AKAP10: variants seen among roughly 807,000 people sequenced by gnomAD.
AKAP10 encodes the protein A-kinase anchor protein 10, mitochondrial.
A neutral mutation model predicts 80.8 loss-of-function variants in AKAP10; 24 were observed. That is an observed-to-expected ratio of 0.30 (90% confidence interval 0.22 to 0.42). The LOEUF is 0.42. AKAP10 is among the 10% of genes least tolerant of loss of function. The pLI is 1.00. For synonymous variants in AKAP10, 291 were observed against 277.7 expected (o/e 1.05, Z -0.48); for missense variants, 661 against 794.9 (o/e 0.83, Z 2.03).
intron 4 of AKAP10, among the ~76,000 whole-genome samples, chr17:19,956,080 G>C (rs1030829974): frequency 6.6e-6 from 1 of 152,070 alleles, no homozygotes; most frequent in Admixed American, 6.6e-5. Flanking sequence ...GTTTAACAGA[G>C]AGCATATTAA....
At position 19,958,500 on chromosome 17, in the gene AKAP10, GC is replaced by G; in HGVS notation, c.390del (p.Leu130PhefsTer23). 6.2e-7 allele frequency: 1 copy of G among 1,612,860 alleles called. No individual in the cohort carries two copies. Among genetic ancestry groups the G allele is most frequent in the Non-Finnish European group, 8.5e-7 (1 of 1,180,036 alleles). On this transcript the variant is annotated frameshift_variant, in exon 4 of 15. Coordinates refer to ENST00000225737, the MANE Select transcript of AKAP10 (RefSeq NM_007202.4). LOFTEE classifies it high-confidence loss of function. ...SSLSKTLEQV[L>X]HDTIVLPYFI... is the part of the protein sequence containing the mutation. ...AAGTAAGGGAGGACAATAGTGTCGTGCAAGACTTGTTCAAGGGTCTTAGAAA... is the reference window on the plus strand; with the variant it reads ...AAGTAAGGGAGGACAATAGTGTCGTGAAGACTTGTTCAAGGGTCTTAGAAA...
chr17:19,924,031 A>G (rs573244176), intron 11 of AKAP10, among the ~76,000 whole-genome samples: 1 of 152,316 alleles, frequency 6.6e-6, no homozygotes, highest in African/African-American at 2.4e-5. Flanking sequence ...CCTATGAATC[A>G]CTATCTTTTT....
intron 8 of AKAP10, among the ~76,000 whole-genome samples, chr17:19,937,908 A>C (rs1317586380): frequency 6.6e-6 from 1 of 152,102 alleles, no homozygotes; most frequent in African/African-American, 2.4e-5. Context: ...GTCTTCTAAA[A>C]ATAAAGATTC....
intron 3 of AKAP10, among the ~76,000 whole-genome samples, chr17:19,960,562 T>C (rs369474039): frequency 6.6e-6 from 1 of 152,368 alleles, no homozygotes; most frequent in African/African-American, 2.4e-5. Flanking sequence ...TGGTATTCCA[T>C]GGTATGAATG....
At chr17:19,957,048 CAAAGAACATT>C (rs1003908390) in intron 4 of AKAP10, among the ~76,000 whole-genome samples, 4 of 151,736 alleles carry the variant, frequency 2.6e-5, no homozygotes, top group Admixed American at 1.3e-4. Context: ...CTTTAAGACA[CAAAGAACATT>C]TAAGATGAAA....
Position 19,924,428 on chromosome 17 carries a change from T to C in AKAP10, c.1731A>G (p.Leu577=), listed in dbSNP as rs201881580. The C allele has an allele frequency of 1.4e-5, 23 of 1,604,502 alleles. No homozygotes were observed. Among genetic ancestry groups the C allele is most frequent in the South Asian group, 4.5e-5 (4 of 89,272 alleles). ...CTTACCCGGCATATGTCCGTTGATATAAAGATTCTGGATCCAGACTTGCCG... is the reference window on the plus strand; with the variant it reads ...CTTACCCGGCATATGTCCGTTGATACAAAGATTCTGGATCCAGACTTGCCG... ...VDAASLDPES[L]YQRTYAGKMT... The change falls in exon 11 of 15, where the codon TTA becomes TTG. Residue 577 remains leucine (L), a synonymous_variant. Transcript: ENST00000225737.
chr17:19,922,462 C>T (rs2042828155), intron 11 of AKAP10, among the ~76,000 whole-genome samples: 1 of 151,996 alleles, frequency 6.6e-6, no homozygotes, highest in African/African-American at 2.4e-5. Flanking sequence ...CCATGTCGGC[C>T]AGGCTGGTTT....
chr17:19,941,061 T>C, intron 6 of AKAP10, 51 bp from the exon 7 acceptor site: 1 of 1,561,062 alleles, frequency 6.4e-7, no homozygotes, highest in Non-Finnish European at 8.6e-7. Flanking sequence ...GGAAAGAGTT[T>C]AAGTGGGAAA....
intron 12 of AKAP10, among the ~76,000 whole-genome samples, chr17:19,916,844 G>A (rs1026803054): frequency 2.6e-5 from 4 of 152,044 alleles, no homozygotes; most frequent in African/African-American, 9.7e-5. Flanking sequence ...GGCTGAGGCA[G>A]GAGAATGGCT....
intron 10 of AKAP10, among the ~76,000 whole-genome samples, chr17:19,926,229 T>C (rs940923151): frequency 1.3e-5 from 2 of 150,512 alleles, no homozygotes; most frequent in East Asian, 3.9e-4. Flanking sequence ...GGATCATTTA[T>C]ACTGATACAG....
chr17:19,933,208 G>A (rs966737382), intron 9 of AKAP10, among the ~76,000 whole-genome samples: 3 of 152,022 alleles, frequency 2.0e-5, no homozygotes, highest in Admixed American at 6.6e-5. Flanking sequence ...TAGTAGAGAC[G>A]GGGTTTCGCC....
intron 10 of AKAP10, among the ~76,000 whole-genome samples, chr17:19,931,141 G>C (rs1399980380): frequency 6.8e-6 from 1 of 147,840 alleles, no homozygotes; most frequent in Non-Finnish European, 1.5e-5. Context: ...CTCAAGAAAA[G>C]AAAAAAAAAG....
rs188493529 is a variant in AKAP10, at chr17:19,923,926, C to T, written c.1751+482G>A. On this transcript the variant is annotated intron_variant, in intron 11 of 14. Transcript: ENST00000225737. ...TACGGATCAGGGTAGTGTAATCAAG[C>T]CTTTACACACCTTTACATGTTAATC... 4.6e-5 allele frequency among the ~76,000 whole-genome samples: 7 copies of T among 152,172 alleles called. No homozygotes were observed. In the East Asian group the frequency reaches 5.8e-4, roughly 13 times the overall value.
At chr17:19,937,477 G>A (rs2043004310) in intron 8 of AKAP10, among the ~76,000 whole-genome samples, 3 of 152,106 alleles carry the variant, frequency 2.0e-5, no homozygotes, top group Admixed American at 2.0e-4. Context: ...ACTCTAGCCT[G>A]GGTGACAGAG....
chr17:19,909,322 G>A, intron 13 of AKAP10, 46 bp from the exon 14 acceptor site: 1 of 1,497,556 alleles, frequency 6.7e-7, no homozygotes, highest in Non-Finnish European at 9.2e-7. Context: ...TTCATTAGAT[G>A]GATCGAGATG....
At chr17:19,932,793 T>C (rs1271531785) in intron 9 of AKAP10, among the ~76,000 whole-genome samples, 1 of 151,992 alleles carries the variant, frequency 6.6e-6, no homozygotes, top group Non-Finnish European at 1.5e-5. Context: ...GTTTCCACAT[T>C]GTTTTTTTTT....
At chr17:19,910,225 G>T (rs2042674182) in intron 12 of AKAP10, among the ~76,000 whole-genome samples, 1 of 150,608 alleles carries the variant, frequency 6.6e-6, no homozygotes, top group Non-Finnish European at 1.5e-5. Flanking sequence ...TACTCAGGAG[G>T]CTGAGGCAGA....
At chr17:19,943,601 T>C (rs112709559) in intron 5 of AKAP10, among the ~76,000 whole-genome samples, 14 of 152,210 alleles carry the variant, frequency 9.2e-5, no homozygotes, top group African/African-American at 3.4e-4. Flanking sequence ...TCAATCTGTA[T>C]CCTTTGTAAT....
In AKAP10 at chr17:19,939,802, T is replaced by C. The variant is rs760245858; in HGVS notation, c.1233A>G (p.Ala411=). The change falls in exon 8 of 15, where the codon GCA becomes GCG. Residue 411 remains alanine, a synonymous_variant. Transcript: ENST00000225737. ...DAVNILQFWL[A]ADNFQSQLAA... ...CAAGCTGAGACTGGAAGTTATCTGC[T>C]GCCAACCAGAATTGTAAGATATTCA... 16 of 1,613,978 alleles carry C rather than the reference T, an allele frequency of 9.9e-6. No individual in the cohort carries two copies. The Admixed American group carries it at 2.2e-4, about 22-fold the overall frequency.
Sources: gnomAD v4.1 joint callset for allele counts (sites outside exome capture counted in the v4.1 genomes callset) on GRCh38, gnomAD v4.1.1 for gene constraint, MANE v1.5 for transcripts, NCBI Gene and HGNC (gene_info 2026-07-23, HGNC 2026-07-21) for gene names.